Variants in FMN1 observed in about 807,000 individuals in gnomAD.
FMN1 encodes the protein formin 1.
A neutral mutation model predicts 132.4 loss-of-function variants in FMN1; 110 were observed. The observed-to-expected ratio is 0.83, with a 90% CI of 0.71 to 0.97. The LOEUF (loss-of-function observed/expected upper bound fraction) is 0.97, where lower values mean the gene tolerates loss of function less well. Among genes scored for constraint, FMN1 ranks in the 50% least tolerant of loss-of-function variants. The probability of loss-of-function intolerance (pLI) is 0.00; values close to 1 mark genes in which losing one functional copy is unlikely to be tolerated. For missense variants in FMN1, 1,792 were observed against 1,705.3 expected, an observed-to-expected ratio of 1.05 and a Z score of -0.90; for synonymous variants, 722 against 651.7, an observed-to-expected ratio of 1.11 and a Z score of -1.64.
At chr15:32,864,128 C>T (rs2059339488) in intron 16 of FMN1, among the ~76,000 whole-genome samples, 1 of 151,998 alleles carries the variant, frequency 6.6e-6, no homozygotes, top group African/African-American at 2.4e-5. Flanking sequence ...TTTATAAGGC[C>T]ATATAGAAAA....
chr15:32,864,114 C>T (rs1249340666), intron 16 of FMN1, among the ~76,000 whole-genome samples: 1 of 152,132 alleles, frequency 6.6e-6, no homozygotes, highest in East Asian at 1.9e-4. Flanking sequence ...ACTGTACACA[C>T]TTTTTTATAA....
At chr15:33,136,036 A>G (rs758872946) in intron 4 of FMN1, among the ~76,000 whole-genome samples, 1 of 152,274 alleles carries the variant, frequency 6.6e-6, no homozygotes, top group Admixed American at 6.5e-5. Context: ...TGAATAAAAA[A>G]TGTTTTGAAT....
intron 6 of FMN1, among the ~76,000 whole-genome samples, chr15:33,014,648 A>G (rs1165846683): frequency 2.6e-5 from 4 of 152,260 alleles, no homozygotes; most frequent in African/African-American, 7.2e-5. Flanking sequence ...GGAGGAAAAA[A>G]AAATGAAAGA....
intron 12 of FMN1, among the ~76,000 whole-genome samples, chr15:32,905,393 C>G (rs1030428710): frequency 6.6e-6 from 1 of 152,154 alleles, no homozygotes; most frequent in African/African-American, 2.4e-5. Context: ...TGTGGGGGCC[C>G]CAAGGCAGCT....
intron 9 of FMN1, among the ~76,000 whole-genome samples, chr15:32,960,693 T>C (rs1156484616): frequency 2.0e-5 from 3 of 152,066 alleles, no homozygotes; most frequent in Non-Finnish European, 2.9e-5. Context: ...AACCCCATGA[T>C]GTAATTTAAC....
intron 5 of FMN1, among the ~76,000 whole-genome samples, chr15:33,088,191 G>A (rs1460413609): frequency 4.6e-5 from 7 of 151,714 alleles, no homozygotes; most frequent in Non-Finnish European, 2.9e-5. Context: ...CCACCTGTTC[G>A]CCAAAAACCT....
At chr15:33,117,622 T>C (rs919110541) in intron 4 of FMN1, among the ~76,000 whole-genome samples, 1 of 152,200 alleles carries the variant, frequency 6.6e-6, no homozygotes, top group East Asian at 1.9e-4. Context: ...ATACGTGGAA[T>C]GAGATATTTA....
chr15:32,956,435 T>C (rs570016741), intron 9 of FMN1, among the ~76,000 whole-genome samples: 2 of 152,188 alleles, frequency 1.3e-5, no homozygotes, highest in African/African-American at 4.8e-5. Context: ...CAAATAAAAT[T>C]TACAAGGTGG....
intron 6 of FMN1, among the ~76,000 whole-genome samples, chr15:33,011,819 C>A (rs183703155): frequency 2.1e-3 from 323 of 152,086 alleles, no homozygotes; most frequent in African/African-American, 7.3e-3. Flanking sequence ...AGATGATATA[C>A]AAATAATAAC....
chr15:32,867,665 G>A (rs1040683337), intron 16 of FMN1, among the ~76,000 whole-genome samples: 1 of 152,068 alleles, frequency 6.6e-6, no homozygotes, highest in African/African-American at 2.4e-5. Context: ...CTAATTTTTT[G>A]TATTTTTAGT....
intron 4 of FMN1, among the ~76,000 whole-genome samples, chr15:33,112,023 A>T (rs954150568): frequency 6.6e-6 from 1 of 152,078 alleles, no homozygotes; most frequent in Admixed American, 6.6e-5. Flanking sequence ...TTTTACTGTA[A>T]TTTTTTGGAA....
chr15:33,088,455 A>G (rs988897638), intron 5 of FMN1, among the ~76,000 whole-genome samples: 3 of 152,204 alleles, frequency 2.0e-5, no homozygotes, highest in Non-Finnish European at 2.9e-5. Flanking sequence ...TACATATGTT[A>G]TTGACAAATT....
intron 4 of FMN1, among the ~76,000 whole-genome samples, chr15:33,119,283 C>T (rs1375863452): frequency 6.6e-6 from 1 of 152,202 alleles, no homozygotes; most frequent in East Asian, 1.9e-4. Flanking sequence ...TGTGCCGGCA[C>T]TTCCAAATCC....
intron 6 of FMN1, among the ~76,000 whole-genome samples, chr15:33,017,180 G>T (rs183811550): frequency 1.1e-4 from 16 of 151,848 alleles, no homozygotes; most frequent in African/African-American, 2.9e-4. Context: ...GAGGAGGGAG[G>T]AATCAGTGGA....
chr15:33,056,259 G>C (rs1369777929), intron 6 of FMN1, among the ~76,000 whole-genome samples: 1 of 152,212 alleles, frequency 6.6e-6, no homozygotes. Context: ...GGTGTTCAGA[G>C]TAATGTTTGC....
At chr15:33,180,732 C>T (rs979699279) in intron 2 of FMN1, among the ~76,000 whole-genome samples, 1 of 149,042 alleles carries the variant, frequency 6.7e-6, no homozygotes, top group Non-Finnish European at 1.5e-5. Flanking sequence ...CCTTCAGAGG[C>T]TCTCCTGCTG....
At chr15:32,908,405 A>C in intron 12 of FMN1, 85 bp downstream of exon 12, 1 of 862,106 alleles carries the variant, frequency 1.2e-6, no homozygotes, top group Non-Finnish European at 1.9e-6. Flanking sequence ...GCACATTTAG[A>C]TTTGGTTATT....
chr15:33,099,305 A>G (rs2039204227), intron 4 of FMN1, among the ~76,000 whole-genome samples: 2 of 152,198 alleles, frequency 1.3e-5, no homozygotes, highest in African/African-American at 2.4e-5. Context: ...AAGTCAATCT[A>G]TCAATAAACT....
At position 32,783,784 on chromosome 15, in the gene FMN1, A is replaced by AAAAAG. The variant is rs1491184174; in HGVS notation, c.4131-6866_4131-6865insCTTTT. Among the ~76,000 whole-genome samples the AAAAAG allele has an allele frequency of 7.5e-4, 79 of 105,868 alleles. 31 individuals carry two copies. The highest frequency in any genetic ancestry group is 0.01 in the Middle Eastern group (2 of 198). The allele number at this position is 105,868 out of a possible 152,430, so 69.5% of individuals were successfully genotyped here. On this transcript the variant is annotated intron_variant, in intron 19 of 20. Transcript: ENST00000616417. The stretch of plus-strand genomic sequence containing the variant: ...AAAAAAAAAAAAAAAAAAAAAAAAA[A>AAAAAG]TAGTTGAAGTGGCGTGGCTTTCCAT...
Sources: allele counts gnomAD v4.1 joint callset (sites outside exome capture counted in the v4.1 genomes callset), GRCh38; gene constraint gnomAD v4.1.1; transcripts MANE v1.5; gene names NCBI Gene and HGNC (gene_info 2026-07-23, HGNC 2026-07-21).